Variants in ARHGAP15 observed in about 807,000 individuals in gnomAD.
The protein encoded by ARHGAP15 is Rho GTPase activating protein 15, also known as rho GTPase-activating protein 15.
In ARHGAP15, 51 loss-of-function variants were observed where a neutral mutation model predicts 63.7. The ratio of observed to expected loss-of-function variants is 0.80; its 90% CI spans 0.64 to 1.01. The LOEUF is 1.01. Ranked by LOEUF, ARHGAP15 falls within the 50% of genes least tolerant of loss-of-function variation. The pLI, the probability that ARHGAP15 is intolerant of heterozygous loss-of-function variation, is 0.00. For missense variants in ARHGAP15, 560 were observed against 564.6 expected (o/e 0.99, Z 0.08); for synonymous variants, 191 against 193.8 (o/e 0.99, Z 0.12).
rs201248017 is a variant in ARHGAP15 at position 143,646,697 on chromosome 2, T to C, written c.1138+22430T>C. Among the ~76,000 whole-genome samples, 4 of 152,048 alleles carry C rather than the reference T, an allele frequency of 2.6e-5. No homozygotes were observed. In the East Asian group the frequency reaches 7.7e-4, roughly 29 times the overall value. On this transcript the variant is annotated intron_variant, in intron 12 of 13. Coordinates refer to ENST00000295095, the MANE Select transcript of ARHGAP15 (RefSeq NM_018460.4). ...TTCTGTATATGACAGTTAGTATGTA[T>C]TGTATTGTCTACCCTCATTTATCTA...
chr2:143,616,990 T>C (rs1698475739), intron 11 of ARHGAP15, among the ~76,000 whole-genome samples: 1 of 152,164 alleles, frequency 6.6e-6, no homozygotes, highest in South Asian at 2.1e-4. Flanking sequence ...TTAGACATAG[T>C]AGTTGGACAA....
intron 12 of ARHGAP15, among the ~76,000 whole-genome samples, chr2:143,678,891 A>G (rs1682957599): frequency 6.6e-6 from 1 of 152,206 alleles, no homozygotes; most frequent in African/African-American, 2.4e-5. Context: ...CTTTATCCTA[A>G]GCAATAATAT....
At chr2:143,398,839 A>G (rs1218743357) in intron 6 of ARHGAP15, among the ~76,000 whole-genome samples, 1 of 151,616 alleles carries the variant, frequency 6.6e-6, no homozygotes, top group Non-Finnish European at 1.5e-5. Flanking sequence ...GGCTAGACAG[A>G]TAATGTTAAC....
chr2:143,656,602 C>T (rs1398298817), intron 12 of ARHGAP15, among the ~76,000 whole-genome samples: 1 of 152,172 alleles, frequency 6.6e-6, no homozygotes, highest in African/African-American at 2.4e-5. Context: ...TGATAATGTT[C>T]TGAATCAAGC....
chr2:143,580,053 A>G (rs2105142008), intron 11 of ARHGAP15, among the ~76,000 whole-genome samples: 1 of 149,418 alleles, frequency 6.7e-6, no homozygotes, highest in Non-Finnish European at 1.5e-5. Context: ...TTTTATTTCT[A>G]ATTCTCCCTA....
intron 10 of ARHGAP15, among the ~76,000 whole-genome samples, chr2:143,535,262 T>C (rs1694701998): frequency 6.6e-6 from 1 of 152,158 alleles, no homozygotes; most frequent in Non-Finnish European, 1.5e-5. Context: ...TCCCTTTCTG[T>C]TCCTCTCCCA....
intron 6 of ARHGAP15, among the ~76,000 whole-genome samples, chr2:143,339,106 C>A (rs1402892149): frequency 6.6e-6 from 1 of 151,934 alleles, no homozygotes. Flanking sequence ...AAAGGATATG[C>A]CCCTTAAATG....
intron 6 of ARHGAP15, among the ~76,000 whole-genome samples, chr2:143,343,152 T>C (rs1685133601): frequency 6.6e-6 from 1 of 152,092 alleles, no homozygotes; most frequent in South Asian, 2.1e-4. Flanking sequence ...ATAGCACGAA[T>C]GATAAACCCC....
At chr2:143,749,521 G>A (rs999799631) in intron 13 of ARHGAP15, among the ~76,000 whole-genome samples, 8 of 151,962 alleles carry the variant, frequency 5.3e-5, no homozygotes, top group South Asian at 2.1e-4. Context: ...TCCCTTAAAC[G>A]TTTCATTTAG....
chr2:143,373,484 G>T (rs190145454), intron 6 of ARHGAP15, among the ~76,000 whole-genome samples: 5 of 152,038 alleles, frequency 3.3e-5, no homozygotes, highest in Admixed American at 6.6e-5. Context: ...CAAAAAATTA[G>T]CTGGGAGTGG....
At chr2:143,394,044 C>G (rs1457152330) in intron 6 of ARHGAP15, among the ~76,000 whole-genome samples, 1 of 152,084 alleles carries the variant, frequency 6.6e-6, no homozygotes, top group Non-Finnish European at 1.5e-5. Context: ...AAAACTCCAC[C>G]CTTTTCTAAA....
chr2:143,242,543 C>A (rs1424740352), intron 5 of ARHGAP15, among the ~76,000 whole-genome samples: 1 of 152,110 alleles, frequency 6.6e-6, no homozygotes, highest in Non-Finnish European at 1.5e-5. Flanking sequence ...ATACTTTCTC[C>A]TCAAAAACAA....
intron 6 of ARHGAP15, among the ~76,000 whole-genome samples, chr2:143,352,456 C>T (rs1685613139): frequency 6.6e-6 from 1 of 152,110 alleles, no homozygotes; most frequent in Admixed American, 6.6e-5. Context: ...TCATTTCAAT[C>T]ACTCTGATTA....
chr2:143,206,483 C>T (rs1692334870), intron 3 of ARHGAP15, among the ~76,000 whole-genome samples: 1 of 152,032 alleles, frequency 6.6e-6, no homozygotes, highest in African/African-American at 2.4e-5. Flanking sequence ...ACGTGGATCT[C>T]AACTTAGCAT....
intron 11 of ARHGAP15, among the ~76,000 whole-genome samples, chr2:143,610,509 C>T (rs1698209446): frequency 6.6e-6 from 1 of 152,078 alleles, no homozygotes; most frequent in South Asian, 2.1e-4. Flanking sequence ...GCAAACAATC[C>T]ACTTGTTTAT....
intron 12 of ARHGAP15, among the ~76,000 whole-genome samples, chr2:143,698,790 AT>A (rs932043000): frequency 2.0e-5 from 3 of 152,120 alleles, no homozygotes; most frequent in Non-Finnish European, 4.4e-5. Context: ...GAGGGAAAGA[AT>A]TATGGAGTTC....
intron 3 of ARHGAP15, among the ~76,000 whole-genome samples, chr2:143,203,873 C>T (rs1307743975): frequency 6.6e-6 from 1 of 152,148 alleles, no homozygotes; most frequent in African/African-American, 2.4e-5. Flanking sequence ...TGGACCACAG[C>T]TTTGAACTTC....
intron 12 of ARHGAP15, among the ~76,000 whole-genome samples, chr2:143,628,237 C>T (rs1698914534): frequency 6.6e-6 from 1 of 152,058 alleles, no homozygotes; most frequent in Non-Finnish European, 1.5e-5. Flanking sequence ...CACTGGGCAC[C>T]TAGGTTGATT....
At chr2:143,315,154 T>A (rs545239813) in intron 6 of ARHGAP15, among the ~76,000 whole-genome samples, 56 of 152,282 alleles carry the variant, frequency 3.7e-4, no homozygotes, top group Non-Finnish European at 7.5e-4. Flanking sequence ...TCTAAGCAAG[T>A]AGAATTTTAA....
Sources: gnomAD v4.1 joint callset for allele counts (sites outside exome capture counted in the v4.1 genomes callset) on GRCh38, gnomAD v4.1.1 for gene constraint, MANE v1.5 for transcripts, NCBI Gene and HGNC (gene_info 2026-07-23, HGNC 2026-07-21) for gene names.